Variants in SCMH1 observed in about 807,000 individuals in gnomAD.
The protein encoded by SCMH1 is polycomb protein SCMH1.
SCMH1 carries 37 observed loss-of-function variants against 70.8 expected under a neutral mutation model. The ratio of observed to expected loss-of-function variants is 0.52; its 90% CI spans 0.40 to 0.69. SCMH1 has a LOEUF of 0.69. Ranked by LOEUF, SCMH1 falls within the 30% of genes least tolerant of loss-of-function variation. The pLI is 0.00. For missense variants in SCMH1, 607 were observed against 827.3 expected (o/e 0.73, Z 3.27); for synonymous variants, 292 against 307.4 (o/e 0.95, Z 0.52).
chr1:41,082,208 C>A (rs1268756643), intron 8 of SCMH1, among the ~76,000 whole-genome samples: 1 of 151,170 alleles, frequency 6.6e-6, no homozygotes, highest in Non-Finnish European at 1.5e-5. Context: ...AAATATTTCT[C>A]TTAATCAAAG....
At chr1:41,200,758 C>T (rs766860441) in intron 1 of SCMH1, among the ~76,000 whole-genome samples, 6 of 152,146 alleles carry the variant, frequency 3.9e-5, no homozygotes, top group Admixed American at 3.3e-4. Context: ...CAGAACATTA[C>T]GCTTCTTAGA....
intron 12 of SCMH1, 137 bp downstream of exon 12, chr1:41,046,270 A>G: frequency 1.5e-6 from 1 of 660,880 alleles, no homozygotes; most frequent in Non-Finnish European, 2.6e-6. Context: ...AGATATGGCA[A>G]AGGTAAGGGA....
chr1:41,161,614 A>C lies in SCMH1; in HGVS notation c.14-182T>G, dbSNP rs1646039209. The C allele has an allele frequency of 1.2e-5, 7 of 578,008 alleles. No individual in the cohort carries two copies. In the East Asian group the frequency reaches 2.4e-4, roughly 20 times the overall value. 35.8% of individuals were successfully genotyped at this position (578,008 alleles called of 1,614,324 possible). ...TGTAAAAAGCCTTGGCATTGTTTAC[A>C]ATAACAAAAAAAGGAACACCTAAAT... On this transcript the variant is annotated intron_variant, in intron 2 of 14. Transcript: ENST00000337495.
chr1:41,106,420 A>T (rs1199924740), intron 8 of SCMH1, among the ~76,000 whole-genome samples: 1 of 151,722 alleles, frequency 6.6e-6, no homozygotes, highest in African/African-American at 2.4e-5. Context: ...AAGCTCCCTG[A>T]GGCCTCCCCA....
At position 41,068,499 on chromosome 1, in the gene SCMH1, C is replaced by T. The variant is rs935224994; in HGVS notation, c.1105+2096G>A. On this transcript the variant is annotated intron_variant, in intron 10 of 14. Coordinates refer to ENST00000337495, the Ensembl canonical transcript of SCMH1. ...TGGCTCACTGCAAACTCCACCTCCTCGGCTCAAGCAGTTCTCATGCCACAG... is the reference window on the plus strand; with the variant it reads ...TGGCTCACTGCAAACTCCACCTCCTTGGCTCAAGCAGTTCTCATGCCACAG... Among the ~76,000 whole-genome samples the T allele has an allele frequency of 1.4e-4, 21 of 152,186 alleles. 1 individual carries two copies. Among genetic ancestry groups the T allele is most frequent in the Admixed American group, 6.5e-4 (10 of 15,286 alleles).
intron 10 of SCMH1, among the ~76,000 whole-genome samples, chr1:41,063,133 G>A (rs12045171): frequency 0.14 from 21,271 of 151,900 alleles, 1,686 homozygotes; most frequent in East Asian, 0.28. Context: ...ATAAAAAATC[G>A]TAAAGATTAT....
intron 8 of SCMH1, among the ~76,000 whole-genome samples, chr1:41,102,822 G>A (rs1371099218): frequency 2.6e-5 from 4 of 152,076 alleles, no homozygotes; most frequent in Admixed American, 2.6e-4. Context: ...CAGAAAGGTG[G>A]CATGAAAGCA....
chr1:41,092,504 A>G (rs1473395674), intron 8 of SCMH1, among the ~76,000 whole-genome samples: 3 of 152,218 alleles, frequency 2.0e-5, no homozygotes, highest in Admixed American at 6.5e-5. Context: ...AATGGCAACA[A>G]AAGCCAAAAT....
intron 8 of SCMH1, among the ~76,000 whole-genome samples, chr1:41,111,167 T>C (rs539341924): frequency 6.6e-6 from 1 of 152,372 alleles, no homozygotes; most frequent in East Asian, 1.9e-4. Flanking sequence ...TTCTTTTATA[T>C]TCTGGATACA....
chr1:41,099,114 A>G, intron 8 of SCMH1: 1 of 238,184 alleles, frequency 4.2e-6, no homozygotes, highest in Admixed American at 4.0e-5. Context: ...GATGTTGCCA[A>G]CAAAACTGGG....
chr1:41,135,480 C>T (rs1193134477), intron 6 of SCMH1, among the ~76,000 whole-genome samples: 1 of 152,134 alleles, frequency 6.6e-6, no homozygotes, highest in African/African-American at 2.4e-5. Flanking sequence ...GCTCAGCTCT[C>T]ATTCTTCTCT....
chr1:41,237,385 CT>C (rs1553189714), intron 1 of SCMH1, among the ~76,000 whole-genome samples: 2 of 152,122 alleles, frequency 1.3e-5, no homozygotes, highest in Non-Finnish European at 2.9e-5. Flanking sequence ...TACACAGGAA[CT>C]TCTTTTCAAG....
intron 1 of SCMH1, among the ~76,000 whole-genome samples, chr1:41,194,183 A>G (rs914496535): frequency 3.3e-5 from 5 of 152,204 alleles, no homozygotes; most frequent in Non-Finnish European, 4.4e-5. Flanking sequence ...AGGCACACAT[A>G]ATTTGTAAAA....
intron 9 of SCMH1, among the ~76,000 whole-genome samples, chr1:41,073,057 C>T (rs1015172141): frequency 4.6e-5 from 7 of 152,264 alleles, no homozygotes; most frequent in South Asian, 4.2e-4. Flanking sequence ...TTGGTTACTA[C>T]GTTCAAGACT....
intron 1 of SCMH1, among the ~76,000 whole-genome samples, chr1:41,239,580 T>C (rs748104542): frequency 1.3e-5 from 2 of 152,240 alleles, no homozygotes; most frequent in Admixed American, 6.5e-5. Context: ...GCACAGTACA[T>C]AGCATAGTGC....
At chr1:41,105,100 T>C (rs902161421) in intron 8 of SCMH1, among the ~76,000 whole-genome samples, 3 of 151,930 alleles carry the variant, frequency 2.0e-5, no homozygotes, top group Non-Finnish European at 4.4e-5. Context: ...GGATTACAGA[T>C]GCCCACCATC....
At chr1:41,158,298 C>A (rs2148402509) in intron 4 of SCMH1, among the ~76,000 whole-genome samples, 1 of 152,270 alleles carries the variant, frequency 6.6e-6, no homozygotes, top group South Asian at 2.1e-4. Context: ...AGTCTAGTGA[C>A]AGACAGAGAA....
chr1:41,140,906 C>A (rs1644004231), intron 6 of SCMH1, among the ~76,000 whole-genome samples: 2 of 152,134 alleles, frequency 1.3e-5, no homozygotes, highest in Admixed American at 6.5e-5. Flanking sequence ...ATTCAAGCAT[C>A]AATAAGGTCA....
At chr1:41,041,832 A>G (rs1263427568) in intron 12 of SCMH1, among the ~76,000 whole-genome samples, 5 of 152,198 alleles carry the variant, frequency 3.3e-5, no homozygotes, top group African/African-American at 1.2e-4. Context: ...TTCCTCTAAC[A>G]GAGAGGAACC....
Sources: allele counts gnomAD v4.1 joint callset (sites outside exome capture counted in the v4.1 genomes callset), GRCh38; gene constraint gnomAD v4.1.1; transcripts MANE v1.5; gene names NCBI Gene and HGNC (gene_info 2026-07-23, HGNC 2026-07-21).